DLG2: variants seen among roughly 807,000 people sequenced by gnomAD.
DLG2 encodes the protein discs large MAGUK scaffold protein 2, also known as disks large homolog 2.
A neutral mutation model predicts 132.5 loss-of-function variants in DLG2; 45 were observed. That is an observed-to-expected ratio of 0.34 (90% CI 0.27 to 0.44). The LOEUF is 0.44. DLG2 is among the 20% of genes least tolerant of loss of function. The pLI is 1.00. For synonymous variants in DLG2, 424 were observed against 419.6 expected (o/e 1.01, Z -0.13); for missense variants, 1,045 against 1,196.9 (o/e 0.87, Z 1.87).
At chr11:84,331,448 A>T (rs575413134) in intron 7 of DLG2, among the ~76,000 whole-genome samples, 1 of 137,056 alleles carries the variant, frequency 7.3e-6, no homozygotes, top group East Asian at 2.3e-4. Flanking sequence ...TCTCAAAAAA[A>T]AAAAAAAAAA....
intron 6 of DLG2, among the ~76,000 whole-genome samples, chr11:84,890,356 C>G (rs1177591054): frequency 6.6e-6 from 1 of 152,138 alleles, no homozygotes; most frequent in African/African-American, 2.4e-5. Context: ...ATTAATTGTA[C>G]TGTGAAGCGG....
At chr11:84,221,388 T>G (rs923432519) in intron 8 of DLG2, among the ~76,000 whole-genome samples, 81 of 151,876 alleles carry the variant, frequency 5.3e-4, no homozygotes, top group African/African-American at 1.9e-3. Flanking sequence ...CGCTTGAACC[T>G]AGGAGGTGGA....
rs183674005 is a variant in DLG2, at chr11:83,762,115, T to C, written c.1825+24575A>G. 1.2e-4 allele frequency among the ~76,000 whole-genome samples: 19 copies of C among 152,332 alleles called. No individual in the cohort carries two copies. The East Asian group carries it at 3.7e-3, about 29-fold the overall frequency. ...AATAAGATATTGAAGCCAAATATGATTTGGTTTCAAAAGAGAAATTAATAT... is the reference window on the plus strand; with the variant it reads ...AATAAGATATTGAAGCCAAATATGACTTGGTTTCAAAAGAGAAATTAATAT... On this transcript the variant is annotated intron_variant, in intron 18 of 27. Coordinates refer to ENST00000376104, the MANE Select transcript of DLG2 (RefSeq NM_001142699.3).
At chr11:84,122,071 A>G (rs1390860047) in intron 9 of DLG2, among the ~76,000 whole-genome samples, 3 of 151,610 alleles carry the variant, frequency 2.0e-5, no homozygotes, top group Non-Finnish European at 4.4e-5. Flanking sequence ...CTGTAATTCC[A>G]GCACTTTGGG....
intron 4 of DLG2, among the ~76,000 whole-genome samples, chr11:85,234,381 G>A (rs902860487): frequency 5.9e-5 from 9 of 151,908 alleles, no homozygotes; most frequent in African/African-American, 7.2e-5. Context: ...ATTATACAGC[G>A]TGCACAGAAA....
chr11:84,864,707 G>A (rs550825933), intron 6 of DLG2, among the ~76,000 whole-genome samples: 6 of 152,154 alleles, frequency 3.9e-5, no homozygotes, highest in African/African-American at 1.4e-4. Flanking sequence ...AGAGCAACAT[G>A]GCAGTGTAAC....
At chr11:83,587,658 C>G (rs2097108904) in intron 19 of DLG2, among the ~76,000 whole-genome samples, 1 of 152,200 alleles carries the variant, frequency 6.6e-6, no homozygotes, top group East Asian at 1.9e-4. Flanking sequence ...GGAATAGGAA[C>G]AGCTCCGGTC....
At chr11:83,968,384 T>C (rs1391094003) in intron 12 of DLG2, among the ~76,000 whole-genome samples, 1 of 152,180 alleles carries the variant, frequency 6.6e-6, no homozygotes, top group East Asian at 1.9e-4. Flanking sequence ...ACCTCTCACA[T>C]TTCTCTTCTA....
At chr11:83,716,884 C>A (rs2086825775) in intron 18 of DLG2, among the ~76,000 whole-genome samples, 1 of 152,054 alleles carries the variant, frequency 6.6e-6, no homozygotes, top group African/African-American at 2.4e-5. Context: ...TAGCTTAGGA[C>A]CTGGAATTGC....
At chr11:84,090,309 G>A (rs1034154069) in intron 10 of DLG2, among the ~76,000 whole-genome samples, 4 of 151,018 alleles carry the variant, frequency 2.6e-5, no homozygotes, top group South Asian at 2.1e-4. Context: ...AGCTACTCAC[G>A]AGGCTGAGGC....
intron 15 of DLG2, among the ~76,000 whole-genome samples, chr11:83,906,280 C>T (rs1417104697): frequency 1.7e-5 from 2 of 118,756 alleles, no homozygotes; most frequent in East Asian, 4.3e-4. Context: ...CACACACACA[C>T]ACACACACAC....
At chr11:84,508,796 C>T (rs1170471671) in intron 7 of DLG2, among the ~76,000 whole-genome samples, 1 of 152,186 alleles carries the variant, frequency 6.6e-6, no homozygotes, top group African/African-American at 2.4e-5. Context: ...TGTCTACTCT[C>T]ACTTGAATGT....
At chr11:84,434,690 T>C (rs2098995218) in intron 7 of DLG2, among the ~76,000 whole-genome samples, 1 of 152,130 alleles carries the variant, frequency 6.6e-6, no homozygotes, top group Admixed American at 6.5e-5. Context: ...GTGATGCTAC[T>C]GAGTTCTAGT....
chr11:85,314,999 C>T (rs1317362299), intron 3 of DLG2, among the ~76,000 whole-genome samples: 1 of 151,996 alleles, frequency 6.6e-6, no homozygotes, highest in Admixed American at 6.6e-5. Context: ...TGAGAGGCAA[C>T]TCAGGGTACA....
chr11:83,732,905 GA>G (rs1469455734), intron 18 of DLG2, among the ~76,000 whole-genome samples: 2 of 152,040 alleles, frequency 1.3e-5, no homozygotes, highest in African/African-American at 4.8e-5. Context: ...CTCCATAACT[GA>G]ACCACTTTCT....
intron 6 of DLG2, among the ~76,000 whole-genome samples, chr11:85,023,956 G>T (rs1027084757): frequency 1.3e-5 from 2 of 151,938 alleles, no homozygotes; most frequent in East Asian, 3.9e-4. Context: ...TTGTAGCTTC[G>T]CCACTCATAC....
chr11:83,506,281 C>T (rs2094694797), intron 21 of DLG2, among the ~76,000 whole-genome samples: 1 of 152,208 alleles, frequency 6.6e-6, no homozygotes, highest in South Asian at 2.1e-4. Context: ...TGAGCTGCAA[C>T]ATTAAATGCA....
At chr11:84,943,564 A>G (rs2049781042) in intron 6 of DLG2, among the ~76,000 whole-genome samples, 4 of 152,278 alleles carry the variant, frequency 2.6e-5, no homozygotes, top group South Asian at 2.1e-4. Context: ...TGTTATTTTC[A>G]ACTGATGACA....
In DLG2 at chr11:83,571,517, C is replaced by T. The variant is rs557875525; in HGVS notation, c.1941-29659G>A. On this transcript the variant is annotated intron_variant, in intron 19 of 27. Coordinates refer to ENST00000376104, the MANE Select transcript of DLG2 (RefSeq NM_001142699.3). ...TTGCATCACCCACTCTGCTTACTCA[C>T]AAGGAATTTGTAAGGATTAAATTAA... 8.3e-5 allele frequency among the ~76,000 whole-genome samples: 12 copies of T among 145,368 alleles called. No homozygotes were observed. In the South Asian group the frequency reaches 2.6e-3, roughly 31 times the overall value.
Sources: gnomAD v4.1 joint callset for allele counts (sites outside exome capture counted in the v4.1 genomes callset) on GRCh38, gnomAD v4.1.1 for gene constraint, MANE v1.5 for transcripts, NCBI Gene and HGNC (gene_info 2026-07-23, HGNC 2026-07-21) for gene names.